Variants in ANGPT4 observed in about 807,000 individuals in gnomAD.
ANGPT4 encodes the protein angiopoietin-4.
Under a neutral mutation model 53.0 loss-of-function variants are expected in ANGPT4, and 50 were observed. That is an observed-to-expected ratio of 0.94 (90% CI 0.75 to 1.20). The LOEUF is 1.20. ANGPT4 is among the 50% of genes most tolerant of loss of function. ANGPT4 has a pLI of 0.00. For synonymous variants in ANGPT4, 251 were observed against 259.7 expected, an observed-to-expected ratio of 0.97 and a Z score of 0.32; for missense variants, 648 against 637.1, an observed-to-expected ratio of 1.02 and a Z score of -0.18.
At chr20:899,251 ATT>A (rs879579136) in intron 1 of ANGPT4, among the ~76,000 whole-genome samples, 1 of 144,574 alleles carries the variant, frequency 6.9e-6, no homozygotes, top group Non-Finnish European at 1.5e-5. Context: ...CTGGGACAAA[ATT>A]TTTTTTTTTT....
At chr20:881,147 A>T in intron 5 of ANGPT4, 24 bp downstream of exon 5, 1 of 1,540,958 alleles carries the variant, frequency 6.5e-7, no homozygotes, top group Non-Finnish European at 8.8e-7. Context: ...TCTAACAGCC[A>T]CAGTTCCCAG....
chr20:904,113 G>T (rs1982390619), intron 1 of ANGPT4, among the ~76,000 whole-genome samples: 1 of 152,156 alleles, frequency 6.6e-6, no homozygotes, highest in African/African-American at 2.4e-5. Flanking sequence ...TTTCGAATGG[G>T]TGATATAAAC....
chr20:882,422 C>T (rs557385686), intron 4 of ANGPT4, among the ~76,000 whole-genome samples: 1 of 152,212 alleles, frequency 6.6e-6, no homozygotes, highest in Non-Finnish European at 1.5e-5. Context: ...GAGGCTACCA[C>T]AGGGTGGGAC....
At chr20:874,860 G>A (rs934641797) in intron 7 of ANGPT4, among the ~76,000 whole-genome samples, 3 of 151,976 alleles carry the variant, frequency 2.0e-5, no homozygotes, top group East Asian at 1.9e-4. Context: ...CAATAGGCAC[G>A]GGCCACCATG....
At chr20:895,490 C>T (rs57165545) in intron 1 of ANGPT4, among the ~76,000 whole-genome samples, 20,743 of 152,158 alleles carry the variant, frequency 0.14, 1,689 homozygotes, top group East Asian at 0.43. Flanking sequence ...CACCCTGCTC[C>T]TTGCTGGGGA....
chr20:897,444 G>T (rs922444756), intron 1 of ANGPT4, among the ~76,000 whole-genome samples: 1 of 152,192 alleles, frequency 6.6e-6, no homozygotes, highest in African/African-American at 2.4e-5. Flanking sequence ...TCCAATTCGG[G>T]TTCCTTTTTC....
At position 885,315 on chromosome 20, in the gene ANGPT4, T is replaced by A; in HGVS notation, c.598A>T (p.Lys200Ter). 1 of 1,582,296 alleles carries A rather than the reference T, an allele frequency of 6.3e-7. No individual in the cohort carries two copies. Among genetic ancestry groups the A allele is most frequent in the Non-Finnish European group, 8.6e-7 (1 of 1,169,064 alleles). Residue 200 changes from lysine to a stop codon, truncating the protein, a stop_gained, in exon 4 of 9, where the codon AAG becomes TAG. Coordinates refer to ENST00000381922, the MANE Select transcript of ANGPT4 (RefSeq NM_015985.4). LOFTEE classifies it high-confidence loss of function. Reference protein sequence around the residue: ...QLQGQNSALEKRLQALETKQQ... With the variant: ...QLQGQNSALE ...TTGGTCTCCAGGGCCTGCAACCGCT[T>A]CTCGAGCGCGCTGCGGGGTAGGGGG... is the stretch of plus-strand genomic sequence containing the variant.
rs754954928 is a variant in ANGPT4 at position 879,811 on chromosome 20, G to C, written c.989C>G (p.Thr330Ser). The C allele has an allele frequency of 6.3e-5, 102 of 1,613,508 alleles. No individual in the cohort carries two copies. The highest frequency in any genetic ancestry group is 8.0e-5 in the Non-Finnish European group (94 of 1,179,776). Residue 330 changes from threonine to serine, a missense_variant, in exon 6 of 9, where the codon ACC becomes AGC. Transcript: ENST00000381922. ...CDLQSSGGRW[T>S]LIQRRENGTV... ...GCCATTCTCACGGCGCTGGATGAGG[G>C]TCCACCTGCCTCCACTGCTCTGCAG...
rs970825668 is a variant in ANGPT4, at chr20:872,138, G to A, written c.*822C>T. 1 of 152,182 alleles carries A rather than the reference G, an allele frequency of 6.6e-6. No individual in the cohort carries two copies. The highest frequency in any genetic ancestry group is 1.5e-5 in the Non-Finnish European group (1 of 68,040). 9.4% of individuals were successfully genotyped at this position (152,182 alleles called of 1,614,324 possible). ...CACAAGGCACTTGGCCATATTAAAG[G>A]CTCTGATCAGTCCTGCAGTGAAGAG... On this transcript the variant is annotated 3_prime_UTR_variant, in exon 9 of 9. Transcript: ENST00000381922.
chr20:898,082 C>CT (rs367740328), intron 1 of ANGPT4, among the ~76,000 whole-genome samples: 5,552 of 151,646 alleles, frequency 0.037, 351 homozygotes, highest in African/African-American at 0.13. Context: ...CATCCCAAAT[C>CT]TTTTTTTTTC....
At chr20:885,430 C>G in intron 3 of ANGPT4, 105 bp from the exon 4 acceptor site, 1 of 1,418,100 alleles carries the variant, frequency 7.1e-7, no homozygotes, top group Non-Finnish European at 9.2e-7. Context: ...CGATGAGACT[C>G]AAGTGTGGTG....
chr20:912,467 C>T (rs1383395720), intron 1 of ANGPT4, among the ~76,000 whole-genome samples: 1 of 152,190 alleles, frequency 6.6e-6, no homozygotes, highest in African/African-American at 2.4e-5. Flanking sequence ...CCGGCTCTGT[C>T]CCCCAACCTC....
At position 890,251 on chromosome 20, in the gene ANGPT4, T is replaced by C. The variant is rs753702124; in HGVS notation, c.427A>G (p.Thr143Ala). Residue 143 changes from threonine to alanine, a missense_variant, in exon 2 of 9, where the codon ACT (threonine) becomes GCT (alanine). Physicochemically the swap from Thr to Ala is moderately conservative, Grantham distance 58 (BLOSUM62 0). Transcript: ENST00000381922. Reference sequence around the variant, plus strand: ...TCGGTCAGCTTGCGGATCTGGGCAGTGGTCTGGTTCAGGAGGCTGGTGCCC... The same window carrying C: ...TCGGTCAGCTTGCGGATCTGGGCAGCGGTCTGGTTCAGGAGGCTGGTGCCC... ...ELGTSLLNQT[T>A]AQIRKLTDME... The C allele has an allele frequency of 6.2e-7, 1 of 1,614,010 alleles. No homozygotes were observed. Among genetic ancestry groups the C allele is most frequent in the Non-Finnish European group, 8.5e-7 (1 of 1,179,986 alleles).
At position 890,245 on chromosome 20, in the gene ANGPT4, G is replaced by T; in HGVS notation, c.433C>A (p.Gln145Lys). Residue 145 changes from glutamine (Q) to lysine (K), a missense_variant, in exon 2 of 9, where the codon CAG becomes AAG. Physicochemically the swap from Gln to Lys is moderately conservative, Grantham distance 53 (BLOSUM62 1). Coordinates refer to ENST00000381922, the MANE Select transcript of ANGPT4 (RefSeq NM_015985.4). ...TCCATGTCGGTCAGCTTGCGGATCT[G>T]GGCAGTGGTCTGGTTCAGGAGGCTG... ...GTSLLNQTTA[Q>K]IRKLTDMEAQ... The T allele has an allele frequency of 6.2e-7, 1 of 1,613,980 alleles. No individual in the cohort carries two copies. The highest frequency in any genetic ancestry group is 1.3e-5 in the African/African-American group (1 of 75,060).
At chr20:888,000 C>T (rs1981680740) in intron 3 of ANGPT4, among the ~76,000 whole-genome samples, 1 of 152,060 alleles carries the variant, frequency 6.6e-6, no homozygotes. Context: ...AATGTGTTTG[C>T]CTGGCTCCTA....
chr20:906,002 C>T (rs1190695610), intron 1 of ANGPT4, among the ~76,000 whole-genome samples: 1 of 152,204 alleles, frequency 6.6e-6, no homozygotes, highest in East Asian at 1.9e-4. Context: ...CCAGAGACCA[C>T]ACCCTTAGCC....
At chr20:896,483 A>T (rs1982055697) in intron 1 of ANGPT4, among the ~76,000 whole-genome samples, 1 of 152,198 alleles carries the variant, frequency 6.6e-6, no homozygotes, top group South Asian at 2.1e-4. Flanking sequence ...AGGAAAAGGC[A>T]AGTGCAGAGG....
rs1980892177 is a variant in ANGPT4, at chr20:870,338, G to C, written c.*2622C>G. 6.6e-6 allele frequency: 1 copy of C among 152,136 alleles called. No homozygotes were observed. Among genetic ancestry groups the C allele is most frequent in the South Asian group, 2.1e-4 (1 of 4,818 alleles). The allele number at this position is 152,136 out of a possible 1,614,324, so 9.4% of individuals were successfully genotyped here. On this transcript the variant is annotated 3_prime_UTR_variant, in exon 9 of 9. Transcript: ENST00000381922. ...GAGGCCAGGAGTTTGAGACCAGCCT[G>C]GCCAACATGGTGAAAACCCGTTTCT... is the stretch of plus-strand genomic sequence containing the variant.
rs1982555549 is a variant in ANGPT4 at position 908,187 on chromosome 20, G to C, written c.309+7719C>G. Reference sequence around the variant, plus strand: ...TCCTCAGTGAGGACAGGACAGAAAAGTGGCCACATCTCTTCCCAGTCTCCA... The same window carrying C: ...TCCTCAGTGAGGACAGGACAGAAAACTGGCCACATCTCTTCCCAGTCTCCA... On this transcript the variant is annotated intron_variant, in intron 1 of 8. Coordinates refer to ENST00000381922, the MANE Select transcript of ANGPT4 (RefSeq NM_015985.4). This position sits in a 1 kb window ranked among gnomAD's most constrained non-coding sequence, Gnocchi z 4.9. Among the ~76,000 whole-genome samples the C allele has an allele frequency of 1.3e-5, 2 of 152,102 alleles. No individual in the cohort carries two copies. The highest frequency in any genetic ancestry group is 4.2e-4 in the South Asian group (2 of 4,814).
Sources: allele counts gnomAD v4.1 joint callset (sites outside exome capture counted in the v4.1 genomes callset), GRCh38; gene constraint gnomAD v4.1.1; non-coding constraint Gnocchi (gnomAD v3.1); transcripts MANE v1.5; gene names NCBI Gene and HGNC (gene_info 2026-07-23, HGNC 2026-07-21).